Variants in CFAP299 observed in about 807,000 individuals in gnomAD.
The protein encoded by CFAP299 is cilia and flagella associated protein 299.
Under a neutral mutation model 27.0 loss-of-function variants are expected in CFAP299, and 21 were observed. The ratio of observed to expected loss-of-function variants is 0.78; its 90% confidence interval spans 0.55 to 1.12. The LOEUF (loss-of-function observed/expected upper bound fraction) is 1.12, where lower values mean the gene tolerates loss of function less well. Ranked by LOEUF, CFAP299 falls within the 50% of genes most tolerant of loss-of-function variation. CFAP299 has a pLI of 0.00. For synonymous variants in CFAP299, 104 were observed against 98.1 expected (o/e 1.06, Z -0.36); for missense variants, 310 against 276.6 (o/e 1.12, Z -0.86).
chr4:80,373,087 A>G (rs936289495), intron 2 of CFAP299, among the ~76,000 whole-genome samples: 2 of 152,084 alleles, frequency 1.3e-5, no homozygotes, highest in African/African-American at 4.8e-5. Flanking sequence ...TCTGAATTAG[A>G]CATTTCAGTC....
chr4:80,754,715 C>A (rs1725136783), intron 3 of CFAP299, among the ~76,000 whole-genome samples: 2 of 152,016 alleles, frequency 1.3e-5, no homozygotes, highest in Non-Finnish European at 2.9e-5. Flanking sequence ...GCTCTACATT[C>A]TCTTGCTATC....
intron 2 of CFAP299, among the ~76,000 whole-genome samples, chr4:80,517,781 A>G (rs1173597317): frequency 6.6e-6 from 1 of 152,184 alleles, no homozygotes; most frequent in African/African-American, 2.4e-5. Flanking sequence ...GAAGGCAAGC[A>G]TTCAGTTTAA....
chr4:80,960,392 A>G (rs371684074), intron 5 of CFAP299, among the ~76,000 whole-genome samples: 5 of 151,888 alleles, frequency 3.3e-5, no homozygotes, highest in East Asian at 1.9e-4. Flanking sequence ...TGTCATTGCT[A>G]TGATCAAATG....
intron 2 of CFAP299, among the ~76,000 whole-genome samples, chr4:80,410,562 G>A (rs1249218408): frequency 1.3e-5 from 2 of 152,162 alleles, no homozygotes; most frequent in Admixed American, 6.6e-5. Flanking sequence ...AGGTATTGGT[G>A]ACTAGATCCG....
chr4:80,931,659 A>T (rs1215745746), intron 4 of CFAP299, among the ~76,000 whole-genome samples: 2 of 151,990 alleles, frequency 1.3e-5, no homozygotes. Context: ...CTGCACAGGG[A>T]GGCTTTATTT....
chr4:80,921,941 A>G (rs1030246077), intron 4 of CFAP299, among the ~76,000 whole-genome samples: 1 of 152,038 alleles, frequency 6.6e-6, no homozygotes, highest in African/African-American at 2.4e-5. Context: ...TGGATGTCTC[A>G]AAAAACAGAG....
intron 2 of CFAP299, among the ~76,000 whole-genome samples, chr4:80,491,234 A>T (rs1042369541): frequency 6.6e-6 from 1 of 152,166 alleles, no homozygotes; most frequent in Non-Finnish European, 1.5e-5. Flanking sequence ...GGATAGTTTT[A>T]TCGTTTAAAA....
At chr4:80,330,609 C>G in the CFAP299 span, among the ~76,000 whole-genome samples, 1 of 152,170 alleles carries the variant, frequency 6.6e-6, no homozygotes, top group East Asian at 1.9e-4. Flanking sequence ...CATGTCATCA[C>G]ATTTTCATGA....
chr4:80,638,077 G>T (rs1437147677), intron 3 of CFAP299, among the ~76,000 whole-genome samples: 2 of 152,196 alleles, frequency 1.3e-5, no homozygotes, highest in Non-Finnish European at 2.9e-5. Flanking sequence ...AGGAGATCCA[G>T]CTCATCAAAT....
intron 3 of CFAP299, among the ~76,000 whole-genome samples, chr4:80,739,186 A>G (rs1190701764): frequency 6.6e-6 from 1 of 152,154 alleles, no homozygotes; most frequent in Non-Finnish European, 1.5e-5. Context: ...TTAAGTCAAG[A>G]ATAGTTTACA....
intron 2 of CFAP299, among the ~76,000 whole-genome samples, chr4:80,452,417 A>G (rs533385365): frequency 9.9e-5 from 15 of 152,128 alleles, no homozygotes; most frequent in Non-Finnish European, 1.9e-4. Flanking sequence ...GCAAGAGAAG[A>G]GTATTGCTTT....
intron 2 of CFAP299, among the ~76,000 whole-genome samples, chr4:80,371,999 A>T (rs1012888825): frequency 3.3e-5 from 5 of 152,190 alleles, no homozygotes; most frequent in Admixed American, 6.5e-5. Context: ...CCATTCTTGC[A>T]TTGCTATAAA....
intron 2 of CFAP299, among the ~76,000 whole-genome samples, chr4:80,513,594 T>G (rs865958407): frequency 6.6e-6 from 1 of 152,138 alleles, no homozygotes. Context: ...GATAATTTCA[T>G]CCTCAAGTAA....
chr4:80,694,986 G>A (rs1020013724), intron 3 of CFAP299, among the ~76,000 whole-genome samples: 3 of 152,182 alleles, frequency 2.0e-5, no homozygotes, highest in Non-Finnish European at 2.9e-5. Context: ...TGTGCTAGCA[G>A]TGACCAAATC....
intron 3 of CFAP299, among the ~76,000 whole-genome samples, chr4:80,826,507 G>T (rs1729996708): frequency 1.3e-5 from 2 of 151,710 alleles, no homozygotes; most frequent in African/African-American, 4.8e-5. Context: ...AATATAGCAA[G>T]AATATATAAT....
chr4:80,460,410 A>C (rs1729380766), intron 2 of CFAP299, among the ~76,000 whole-genome samples: 2 of 152,132 alleles, frequency 1.3e-5, no homozygotes, highest in South Asian at 4.1e-4. Flanking sequence ...TATGTCAAAC[A>C]AATATTATAT....
At chr4:80,463,559 G>C (rs913617464) in intron 2 of CFAP299, among the ~76,000 whole-genome samples, 1 of 152,120 alleles carries the variant, frequency 6.6e-6, no homozygotes, top group African/African-American at 2.4e-5. Context: ...GTGCATAGAC[G>C]TCCAAGTTCA....
intron 3 of CFAP299, among the ~76,000 whole-genome samples, chr4:80,863,753 T>G (rs1186596370): frequency 2.0e-5 from 3 of 152,170 alleles, no homozygotes; most frequent in Non-Finnish European, 4.4e-5. Flanking sequence ...CCTTGACTTG[T>G]TCTAGATAGG....
At chr4:80,910,546 G>A (rs559967056) in intron 4 of CFAP299, among the ~76,000 whole-genome samples, 8 of 152,176 alleles carry the variant, frequency 5.3e-5, no homozygotes, top group Non-Finnish European at 7.4e-5. Flanking sequence ...GCTGGAAACC[G>A]TCATTCCTAG....
Sources: allele counts gnomAD v4.1 joint callset (sites outside exome capture counted in the v4.1 genomes callset), GRCh38; gene constraint gnomAD v4.1.1; transcripts MANE v1.5; gene names NCBI Gene and HGNC (gene_info 2026-07-23, HGNC 2026-07-21).